The following TP53BP1 variants were observed in gnomAD, a reference collection of about 807,000 sequenced individuals.
TP53BP1 encodes TP53-binding protein 1.
A neutral mutation model predicts 200.8 loss-of-function variants in TP53BP1; 61 were observed. The observed-to-expected ratio is 0.30, with a 90% CI of 0.25 to 0.38. TP53BP1 has a LOEUF of 0.38. Among genes scored for constraint, TP53BP1 ranks in the 10% least tolerant of loss-of-function variants. The pLI, the probability that TP53BP1 is intolerant of heterozygous loss-of-function variation, is 1.00. For missense variants in TP53BP1, 2,144 were observed against 2,371.9 expected, an observed-to-expected ratio of 0.90 and a Z score of 2.00; for synonymous variants, 822 against 844.3, an observed-to-expected ratio of 0.97 and a Z score of 0.46.
chr15:43,403,812 GGAAGTATGCA>G lies in TP53BP1; in HGVS notation c.*3561_*3570del. 6.3e-7 allele frequency: 1 copy of G among 1,595,440 alleles called. No homozygotes were observed. The highest frequency in any genetic ancestry group is 1.1e-5 in the South Asian group (1 of 90,694). On this transcript the variant is annotated 3_prime_UTR_variant, in exon 28 of 28. Transcript: ENST00000382044. Reference sequence around the variant, plus strand: ...CATTCTCGTGAAGGTGCGTCTGCCTGGAAGTATGCAGCCTTGCCGAAAGGACAGAGGTGGT... The same window carrying G: ...CATTCTCGTGAAGGTGCGTCTGCCTGGCCTTGCCGAAAGGACAGAGGTGGT...
At position 43,488,650 on chromosome 15, in the gene TP53BP1, T is replaced by G. The variant is rs1041800486; in HGVS notation, c.371+3019A>C. Among the ~76,000 whole-genome samples, 3 of 152,138 alleles carry G rather than the reference T, an allele frequency of 2.0e-5. No homozygotes were observed. The South Asian group carries it at 6.2e-4, about 31-fold the overall frequency. ...GGTTCACACCTGTAATCCCAGCACT[T>G]TGGGAGACTGAGGCAAGTGGATCAC... On this transcript the variant is annotated intron_variant, in intron 4 of 27. Coordinates refer to ENST00000382044, the MANE Select transcript of TP53BP1 (RefSeq NM_001141980.3).
At chr15:43,420,200 G>T in intron 21 of TP53BP1, 105 bp downstream of exon 21, 1 of 1,123,666 alleles carries the variant, frequency 8.9e-7, no homozygotes, top group Non-Finnish European at 1.3e-6. Flanking sequence ...TGACTTTAGA[G>T]ACACTGGAAA....
chr15:43,468,095 CT>C lies in TP53BP1; in HGVS notation c.1389+1762del, dbSNP rs1001405038. Among the ~76,000 whole-genome samples, 488 of 145,714 alleles carry C rather than the reference CT, an allele frequency of 3.3e-3. 1 individual carries two copies. Among genetic ancestry groups the C allele is most frequent in the Non-Finnish European group, 2.8e-3 (182 of 65,850 alleles). ...CCACCACACCTGGTCAGATTTATAA[CT>C]TTTTTTTTTTTTGAGACAGGGTCTT... On this transcript the variant is annotated intron_variant, in intron 11 of 27. Transcript: ENST00000382044.
At chr15:43,409,482 C>A (rs1595517258) in intron 25 of TP53BP1, 165 bp downstream of exon 25, 1 of 522,868 alleles carries the variant, frequency 1.9e-6, no homozygotes, top group Non-Finnish European at 3.4e-6. Flanking sequence ...TCCCTATACA[C>A]AACAAAAATT....
At chr15:43,412,974 T>C in intron 24 of TP53BP1, 145 bp downstream of exon 24, 1 of 730,518 alleles carries the variant, frequency 1.4e-6, no homozygotes, top group East Asian at 2.7e-5. Flanking sequence ...AAAAGCAGGA[T>C]ACAGAGTAAT....
Position 43,474,739 on chromosome 15 carries a change from G to A in TP53BP1, c.1114C>T (p.Pro372Ser), listed in dbSNP as rs749691200. Residue 372 changes from proline to serine, a missense_variant, in exon 10 of 28, where the codon CCT (proline) becomes TCT (serine). Physicochemically the swap from Pro to Ser is moderately conservative, Grantham distance 74 (BLOSUM62 -1). This residue lies in a region of TP53BP1 where 1,700 missense variants were observed against 1,710.3 expected (regional missense o/e 0.99). Coordinates refer to ENST00000382044, the MANE Select transcript of TP53BP1 (RefSeq NM_001141980.3). ...TNSSDLVAPS[P>S]DAFRSTPFIV... ...AAAGGAGTAGATCGGAAAGCATCAG[G>A]AGAAGGAGCAACAAGATCTGAAGAA... 8.1e-6 allele frequency: 13 copies of A among 1,613,048 alleles called. No homozygotes were observed. The East Asian group carries it at 2.2e-4, about 28-fold the overall frequency.
chr15:43,475,503 G>C, intron 9 of TP53BP1, 62 bp downstream of exon 9: 1 of 1,587,250 alleles, frequency 6.3e-7, no homozygotes, highest in African/African-American at 1.4e-5. Context: ...GCCTCTTTCA[G>C]CCTTAGCCTA....
chr15:43,489,632 T>G (rs973296926), intron 4 of TP53BP1, among the ~76,000 whole-genome samples: 1 of 152,238 alleles, frequency 6.6e-6, no homozygotes. Context: ...AAGCAGAGGC[T>G]GACTGCTACT....
chr15:43,466,856 C>A (rs1434156288), intron 11 of TP53BP1, among the ~76,000 whole-genome samples: 4 of 151,696 alleles, frequency 2.6e-5, no homozygotes, highest in Admixed American at 2.6e-4. Context: ...GACCCTGTGC[C>A]TAAGAAAAAG....
chr15:43,498,764 T>C (rs773623151), intron 1 of TP53BP1, among the ~76,000 whole-genome samples: 1 of 152,202 alleles, frequency 6.6e-6, no homozygotes, highest in Admixed American at 6.5e-5. Flanking sequence ...TCAATGTTAT[T>C]TTCCTGATCT....
At chr15:43,483,921 C>A (rs947834502) in intron 4 of TP53BP1, among the ~76,000 whole-genome samples, 1 of 152,210 alleles carries the variant, frequency 6.6e-6, no homozygotes, top group African/African-American at 2.4e-5. Flanking sequence ...CATTCACCCA[C>A]TTAATGACCT....
In TP53BP1 at chr15:43,475,788, C is replaced by T. The variant is rs2078872487; in HGVS notation, c.956-94G>A. 3 of 1,420,584 alleles carry T rather than the reference C, an allele frequency of 2.1e-6. No individual in the cohort carries two copies. In the Admixed American group the frequency reaches 6.2e-5, roughly 30 times the overall value. 88.0% of individuals were successfully genotyped at this position (1,420,584 alleles called of 1,614,324 possible). A position where few individuals can be genotyped will look rare whatever the true frequency, so the allele number is the denominator to read the frequency against. On this transcript the variant is annotated intron_variant, in intron 8 of 27. Transcript: ENST00000382044. ...CTGCAAAGAGTAATATCCATATTTCCAACATATTTCCATATTTCCAAAAGG... is the reference window on the plus strand; with the variant it reads ...CTGCAAAGAGTAATATCCATATTTCTAACATATTTCCATATTTCCAAAAGG...
In TP53BP1 at chr15:43,432,767, G is replaced by C. The variant is rs1056682418; in HGVS notation, c.3192-90C>G. 5.1e-6 allele frequency: 7 copies of C among 1,384,484 alleles called. No homozygotes were observed. In the African/African-American group the frequency reaches 1.0e-4, roughly 20 times the overall value. The allele number at this position is 1,384,484 out of a possible 1,614,324, so 85.8% of individuals were successfully genotyped here. On this transcript the variant is annotated intron_variant, in intron 16 of 27. Coordinates refer to ENST00000382044, the MANE Select transcript of TP53BP1 (RefSeq NM_001141980.3). ...TGCGTGTGCATGTGTGTGTGTAGTGGCAAGGGGGGAGCCATATTTTGACAA... is the reference window on the plus strand; with the variant it reads ...TGCGTGTGCATGTGTGTGTGTAGTGCCAAGGGGGGAGCCATATTTTGACAA...
At chr15:43,486,727 G>A (rs1352054605) in intron 4 of TP53BP1, among the ~76,000 whole-genome samples, 1 of 152,060 alleles carries the variant, frequency 6.6e-6, no homozygotes, top group East Asian at 1.9e-4. Context: ...AGGCTTAAGC[G>A]ATCCTCCCAC....
intron 15 of TP53BP1, among the ~76,000 whole-genome samples, chr15:43,439,718 C>T (rs552175469): frequency 1.3e-5 from 2 of 152,270 alleles, no homozygotes; most frequent in African/African-American, 4.8e-5. Flanking sequence ...AATTTCATCT[C>T]ATTCTAGGAT....
intron 17 of TP53BP1, 86 bp downstream of exon 17, chr15:43,432,108 T>C: frequency 1.3e-6 from 2 of 1,516,244 alleles, no homozygotes; most frequent in South Asian, 2.6e-5. Context: ...GAATTGTCAT[T>C]AGGCAGACAT....
At chr15:43,471,077 T>C (rs552251291) in intron 10 of TP53BP1, among the ~76,000 whole-genome samples, 2 of 152,132 alleles carry the variant, frequency 1.3e-5, no homozygotes, top group Non-Finnish European at 2.9e-5. Flanking sequence ...TTATAGGCAC[T>C]ACATACAAAA....
intron 18 of TP53BP1, among the ~76,000 whole-genome samples, chr15:43,427,211 T>C (rs1438660372): frequency 6.6e-6 from 1 of 152,078 alleles, no homozygotes. Flanking sequence ...TAAATGCCAA[T>C]ACTGAGCTGA....
chr15:43,439,321 T>G (rs1233745774), intron 15 of TP53BP1, among the ~76,000 whole-genome samples: 1 of 152,146 alleles, frequency 6.6e-6, no homozygotes, highest in Non-Finnish European at 1.5e-5. Context: ...GTGGATCACT[T>G]GAGCTTCAGG....
Sources: gnomAD v4.1 joint callset for allele counts (sites outside exome capture counted in the v4.1 genomes callset) on GRCh38, gnomAD v4.1.1 for gene constraint, gnomAD v4.1.1 regional missense constraint, MANE v1.5 for transcripts, NCBI Gene and HGNC (gene_info 2026-07-23, HGNC 2026-07-21) for gene names.